Variants in ASIC4 observed in about 807,000 individuals in gnomAD.
ASIC4 encodes the protein acid sensing ion channel subunit family member 4, also known as acid-sensing ion channel 4.
In ASIC4, 28 loss-of-function variants were observed where a neutral mutation model predicts 53.4. That is an observed-to-expected ratio of 0.52 (90% CI 0.39 to 0.72). ASIC4 has a LOEUF of 0.72. Among genes scored for constraint, ASIC4 ranks in the 30% least tolerant of loss-of-function variants. The pLI, the probability that ASIC4 is intolerant of heterozygous loss-of-function variation, is 0.00. For synonymous variants in ASIC4, 289 were observed against 301.4 expected (o/e 0.96, Z 0.43); for missense variants, 649 against 729.7 (o/e 0.89, Z 1.27).
intron 1 of ASIC4, among the ~76,000 whole-genome samples, chr2:219,520,848 G>A (rs1266508322): frequency 1.3e-5 from 2 of 152,224 alleles, no homozygotes; most frequent in African/African-American, 4.8e-5. Context: ...GAGAACTGAA[G>A]ACCACTTAGT....
Position 219,537,999 on chromosome 2 carries a change from C to T in ASIC4, c.1573C>T (p.His525Tyr). 2.5e-6 allele frequency: 4 copies of T among 1,613,368 alleles called. No individual in the cohort carries two copies. The highest frequency in any genetic ancestry group is 3.4e-6 in the Non-Finnish European group (4 of 1,179,772). Reference protein sequence around the residue: ...GVSSLLPNHHHPHGPPGGLFE... With the variant: ...GVSSLLPNHHYPHGPPGGLFE... ...CAGCAGTCTGCTCCCCAATCACCAC[C>T]ACCCCCACGGTCCCCCAGGAGGTCT... Residue 525 changes from histidine (H) to tyrosine (Y), a missense_variant, in exon 10 of 10, where the codon CAC (histidine) becomes TAC (tyrosine). His to Tyr is a moderately conservative substitution (Grantham distance 83). Coordinates refer to ENST00000358078, the MANE Select transcript of ASIC4 (RefSeq NM_018674.6). The surrounding 1 kb of genome is among the most constrained non-coding windows in gnomAD (Gnocchi z 4.9).
In ASIC4 at chr2:219,518,903, C is replaced by CT. The variant is rs368646135; in HGVS notation, c.582+3605dup. ...TTCTGTGAGCATCGGTTTGTGTATT[C>CT]TTTTTTTTGTTTGTTTTTTTGAGAC... On this transcript the variant is annotated intron_variant, in intron 1 of 9. Coordinates refer to ENST00000358078, the MANE Select transcript of ASIC4 (RefSeq NM_018674.6). This position sits in a 1 kb window ranked among gnomAD's most constrained non-coding sequence, Gnocchi z 4.8. Among the ~76,000 whole-genome samples the CT allele has an allele frequency of 1.5e-3, 234 of 152,102 alleles. 1 individual carries two copies. The highest frequency in any genetic ancestry group is 5.2e-3 in the African/African-American group (217 of 41,494).
chr2:219,531,913 C>T lies in ASIC4; in HGVS notation c.727+11C>T, dbSNP rs367945240. Reference sequence around the variant, plus strand: ...TCTGGAGGGAGACAAGTACGCAGGCCGGAAAGGGACAAGGGCCACCTTGGG... The same window carrying T: ...TCTGGAGGGAGACAAGTACGCAGGCTGGAAAGGGACAAGGGCCACCTTGGG... On this transcript the variant is annotated intron_variant, in intron 2 of 9. Transcript: ENST00000358078. 734 of 1,610,746 alleles carry T rather than the reference C, an allele frequency of 4.6e-4. No individual in the cohort carries two copies. Among genetic ancestry groups the T allele is most frequent in the Middle Eastern group, 8.2e-4 (5 of 6,068 alleles).
At chr2:219,535,445 A>ATGTGGG in intron 6 of ASIC4, 121 bp downstream of exon 6, 1 of 1,060,434 alleles carries the variant, frequency 9.4e-7, no homozygotes, top group Non-Finnish European at 1.3e-6. Context: ...GTTTGTGTGT[A>ATGTGGG]TGTGGGTGTG....
In ASIC4 at chr2:219,518,319, T is replaced by C. The variant is rs1043205369; in HGVS notation, c.582+3013T>C. 2.3e-4 allele frequency among the ~76,000 whole-genome samples: 35 copies of C among 151,788 alleles called. No individual in the cohort carries two copies. The highest frequency in any genetic ancestry group is 5.9e-4 in the Admixed American group (9 of 15,228). ...TGCCAGGATCAATTGCCAGACGAGG[T>C]GCATGGGTAGTAAGAGGTCGAGTTC... On this transcript the variant is annotated intron_variant, in intron 1 of 9. Coordinates refer to ENST00000358078, the MANE Select transcript of ASIC4 (RefSeq NM_018674.6). The surrounding 1 kb of genome is among the most constrained non-coding windows in gnomAD (Gnocchi z 4.8).
intron 1 of ASIC4, among the ~76,000 whole-genome samples, chr2:219,530,876 C>T (rs1317642882): frequency 1.3e-5 from 2 of 152,136 alleles, no homozygotes; most frequent in East Asian, 3.8e-4. Context: ...AAATGGGAAG[C>T]TATTGTTGGG....
At position 219,517,998 on chromosome 2, in the gene ASIC4, A is replaced by AAT. The variant is rs1212159795; in HGVS notation, c.582+2692_582+2693insAT. 2.0e-5 allele frequency among the ~76,000 whole-genome samples: 3 copies of AAT among 152,010 alleles called. No individual in the cohort carries two copies. The highest frequency in any genetic ancestry group is 2.9e-5 in the Non-Finnish European group (2 of 68,006). On this transcript the variant is annotated intron_variant, in intron 1 of 9. Transcript: ENST00000358078. The surrounding 1 kb of genome is among the most constrained non-coding windows in gnomAD (Gnocchi z 4.2). ...TACTCCGGGTAATGTGCCCTCCCCC[A>AAT]GTCCCCTCTGCTGCTGCTCTTGCTT...
chr2:219,522,824 G>T (rs2125660336), intron 1 of ASIC4, among the ~76,000 whole-genome samples: 1 of 152,274 alleles, frequency 6.6e-6, no homozygotes, highest in East Asian at 1.9e-4. Flanking sequence ...TTGCCGAGGA[G>T]CCGGGAGCCG....
chr2:219,515,531 T>G (rs1490045497), intron 1 of ASIC4, among the ~76,000 whole-genome samples: 1 of 152,250 alleles, frequency 6.6e-6, no homozygotes, highest in Non-Finnish European at 1.5e-5. Flanking sequence ...GCTGCTCCTC[T>G]TCTTGGTTTT....
At position 219,518,582 on chromosome 2, in the gene ASIC4, T is replaced by A. The variant is rs1574487873; in HGVS notation, c.582+3276T>A. On this transcript the variant is annotated intron_variant, in intron 1 of 9. Transcript: ENST00000358078. This position sits in a 1 kb window ranked among gnomAD's most constrained non-coding sequence, Gnocchi z 4.8. ...ACTCCCGCCCATTCTACCACCTGTA[T>A]GTCCCCCACCCCCAGCCTTGTAGAC... 6.6e-6 allele frequency among the ~76,000 whole-genome samples: 1 copy of A among 152,032 alleles called. No individual in the cohort carries two copies. The highest frequency in any genetic ancestry group is 2.4e-5 in the African/African-American group (1 of 41,388).
Position 219,514,591 on chromosome 2 carries a change from C to CTGTCCT in ASIC4, c.-133_-128dup. The CTGTCCT allele has an allele frequency of 6.3e-7, 1 of 1,592,760 alleles. No homozygotes were observed. Among genetic ancestry groups the CTGTCCT allele is most frequent in the East Asian group, 2.3e-5 (1 of 43,604 alleles). ...CCCACCTCGGGCCCCCACCCTGTCC[C>CTGTCCT]TGTCCTCTTCCCGCTTGCCCTGAGT... On this transcript the variant is annotated 5_prime_UTR_variant, in exon 1 of 10. Coordinates refer to ENST00000358078, the MANE Select transcript of ASIC4 (RefSeq NM_018674.6).
chr2:219,519,931 G>A (rs1694859361), intron 1 of ASIC4, among the ~76,000 whole-genome samples: 1 of 152,136 alleles, frequency 6.6e-6, no homozygotes. Flanking sequence ...GAGACACCAC[G>A]TGAGCAAAGG....
upstream of ASIC4, among the ~76,000 whole-genome samples, chr2:219,512,146 A>G (rs890668312): frequency 1.3e-5 from 2 of 152,014 alleles, no homozygotes; most frequent in African/African-American, 4.8e-5. Flanking sequence ...TTGCTGCTCC[A>G]CTTCCTGGCA....
rs1226531936 is a variant in ASIC4, at chr2:219,536,858, G to C, written c.1230-208G>C. Among the ~76,000 whole-genome samples, 1 of 152,126 alleles carries C rather than the reference G, an allele frequency of 6.6e-6. No homozygotes were observed. The highest frequency in any genetic ancestry group is 1.9e-4 in the East Asian group (1 of 5,190). ...CCTTCAGGTCCAGGAGTTGTGTTTT[G>C]CTCTCCCAGGCCCTTTGCTACCCCT... On this transcript the variant is annotated intron_variant, in intron 6 of 9. Coordinates refer to ENST00000358078, the MANE Select transcript of ASIC4 (RefSeq NM_018674.6). The surrounding 1 kb of genome is among the most constrained non-coding windows in gnomAD (Gnocchi z 4.6).
At position 219,515,089 on chromosome 2, in the gene ASIC4, GC is replaced by G; in HGVS notation, c.366del (p.Phe123SerfsTer17). ...FPAVTLCNIN[R>X]FRHSALSDAD... ...GCTGTCACCCTCTGCAATATCAACC[GC>G]TTCCGGCATTCGGCACTCAGCGATG... On this transcript the variant is annotated frameshift_variant, in exon 1 of 10. Transcript: ENST00000358078. LOFTEE classifies it high-confidence loss of function. The G allele has an allele frequency of 6.2e-7, 1 of 1,614,010 alleles. No individual in the cohort carries two copies. The highest frequency in any genetic ancestry group is 1.1e-5 in the South Asian group (1 of 91,080).
At chr2:219,530,744 AAAG>A (rs200281041) in intron 1 of ASIC4, among the ~76,000 whole-genome samples, 1,559 of 152,308 alleles carry the variant, frequency 0.01, 31 homozygotes, top group African/African-American at 0.035. Flanking sequence ...CCCGAGGAGA[AAAG>A]GAGTCCAGGT....
chr2:219,507,870 A>G, the ASIC4 span, among the ~76,000 whole-genome samples: 1 of 152,168 alleles, frequency 6.6e-6, no homozygotes, highest in Non-Finnish European at 1.5e-5. Flanking sequence ...TATCAGCACC[A>G]GGCTCTGGGA....
chr2:219,531,466 G>A (rs571402496), intron 1 of ASIC4, among the ~76,000 whole-genome samples: 1 of 152,346 alleles, frequency 6.6e-6, no homozygotes, highest in East Asian at 1.9e-4. Context: ...TGAGAAACTG[G>A]GTGGATATAG....
In ASIC4 at chr2:219,535,343, G is replaced by GT; in HGVS notation, c.1229+19_1229+20insT. 6.5e-7 allele frequency: 1 copy of GT among 1,543,732 alleles called. No homozygotes were observed. Among genetic ancestry groups the GT allele is most frequent in the South Asian group, 1.2e-5 (1 of 85,900 alleles). On this transcript the variant is annotated intron_variant, in intron 6 of 9. Coordinates refer to ENST00000358078, the MANE Select transcript of ASIC4 (RefSeq NM_018674.6). ...ACATACGGTATGTGTGTGTGTGTGT[G>GT]GGGGGTGGCTGTGTGACTCTGTGTG...
Sources: gnomAD v4.1 joint callset for allele counts (sites outside exome capture counted in the v4.1 genomes callset) on GRCh38, gnomAD v4.1.1 for gene constraint, Gnocchi (gnomAD v3.1) non-coding constraint, MANE v1.5 for transcripts, NCBI Gene and HGNC (gene_info 2026-07-23, HGNC 2026-07-21) for gene names.